The following MTUS1 variants were observed in gnomAD, a reference collection of about 807,000 sequenced individuals.
MTUS1 encodes microtubule-associated tumor suppressor 1.
Under a neutral mutation model 120.8 loss-of-function variants are expected in MTUS1, and 109 were observed. That is an observed-to-expected ratio of 0.90 (90% CI 0.77 to 1.06). The LOEUF is 1.06. MTUS1 is among the 50% of genes least tolerant of loss of function. The probability of loss-of-function intolerance (pLI) is 0.00; values close to 1 mark genes in which losing one functional copy is unlikely to be tolerated. For missense variants in MTUS1, 2,210 were observed against 1,486.3 expected, an observed-to-expected ratio of 1.49 and a Z score of -8.01; for synonymous variants, 737 against 550.5, an observed-to-expected ratio of 1.34 and a Z score of -4.74.
intron 2 of MTUS1, among the ~76,000 whole-genome samples, chr8:17,753,036 T>C (rs543685149): frequency 2.6e-5 from 4 of 152,344 alleles, no homozygotes; most frequent in Middle Eastern, 3.4e-3. Context: ...CCAAATATTT[T>C]AGACAGGCGC....
intron 6 of MTUS1, chr8:17,697,802 A>T (rs2130885147): frequency 3.5e-6 from 3 of 851,706 alleles, no homozygotes; most frequent in African/African-American, 3.6e-5. Flanking sequence ...TCGCTAGGGG[A>T]AATTAACTAC....
At chr8:17,652,344 G>A (rs746945756) in intron 12 of MTUS1, among the ~76,000 whole-genome samples, 6 of 152,154 alleles carry the variant, frequency 3.9e-5, no homozygotes, top group Admixed American at 6.5e-5. Flanking sequence ...GCTACACCAC[G>A]GATGAACCTT....
intron 3 of MTUS1, chr8:17,734,114 C>T (rs2046775618): frequency 6.6e-6 from 1 of 152,176 alleles, no homozygotes; most frequent in South Asian, 2.1e-4. Context: ...AAGAACTTGT[C>T]ACCTCTTCTA....
chr8:17,723,806 T>C lies in MTUS1; in HGVS notation c.2315A>G (p.Gln772Arg), dbSNP rs760398187. The change falls in exon 4 of 15, where the codon CAG (glutamine) becomes CGG (arginine). Residue 772 changes from glutamine (Q) to arginine (R), a missense_variant. By Grantham distance (43) the Gln-to-Arg change is conservative. Coordinates refer to ENST00000693296, the MANE Select transcript of MTUS1 (RefSeq NM_001363059.2). ...TCTAGGCAAATTCACCCATGACGAC[T>C]GTGCAGTTTTCAAGGATGTAGGCTT... is the stretch of plus-strand genomic sequence containing the variant. ...SGKPTSLKTA[Q>R]SSWVNLPRPL... is the part of the protein sequence containing the mutation. The C allele has an allele frequency of 4.4e-6, 7 of 1,597,644 alleles. No homozygotes were observed. The highest frequency in any genetic ancestry group is 6.0e-6 in the Non-Finnish European group (7 of 1,171,604).
At chr8:17,795,769 A>G (rs1326044113) in intron 1 of MTUS1, among the ~76,000 whole-genome samples, 2 of 151,214 alleles carry the variant, frequency 1.3e-5, no homozygotes, top group Non-Finnish European at 2.9e-5. Flanking sequence ...CCTCCCACGT[A>G]GCGGGGATAT....
chr8:17,715,718 G>A, intron 5 of MTUS1, 49 bp downstream of exon 5: 2 of 1,546,658 alleles, frequency 1.3e-6, no homozygotes, highest in Non-Finnish European at 1.7e-6. Flanking sequence ...ACAAGCCAAG[G>A]ACTTTAAGCG....
At chr8:17,784,315 G>C (rs1447481345) in intron 1 of MTUS1, among the ~76,000 whole-genome samples, 1 of 101,932 alleles carries the variant, frequency 9.8e-6, no homozygotes, top group Non-Finnish European at 1.9e-5. Context: ...TTTTTTTTGA[G>C]ATGGAATTTC....
chr8:17,798,329 A>G (rs1283833687), intron 1 of MTUS1, among the ~76,000 whole-genome samples: 1 of 151,744 alleles, frequency 6.6e-6, no homozygotes, highest in African/African-American at 2.4e-5. Flanking sequence ...CTAATTTAGA[A>G]TTTGGGGAAT....
chr8:17,713,820 C>A (rs1821802859), intron 5 of MTUS1, among the ~76,000 whole-genome samples: 1 of 152,170 alleles, frequency 6.6e-6, no homozygotes, highest in Admixed American at 6.5e-5. Context: ...TAATCATCTG[C>A]AGATACCAGT....
intron 2 of MTUS1, among the ~76,000 whole-genome samples, chr8:17,746,852 C>A (rs1209762309): frequency 6.6e-6 from 1 of 152,216 alleles, no homozygotes; most frequent in Non-Finnish European, 1.5e-5. Context: ...AGAACAAGAA[C>A]ATGAAGCATT....
chr8:17,652,723 C>G (rs865903135), intron 12 of MTUS1, among the ~76,000 whole-genome samples: 1 of 151,766 alleles, frequency 6.6e-6, no homozygotes, highest in Non-Finnish European at 1.5e-5. Flanking sequence ...GTAATCCCAG[C>G]TACTCGGGAG....
At chr8:17,722,421 C>A (rs981552442) in intron 4 of MTUS1, 24 of 985,096 alleles carry the variant, frequency 2.4e-5, no homozygotes, top group Non-Finnish European at 2.8e-5. Context: ...TGTGAATTAC[C>A]TTTTCAAATT....
At chr8:17,799,862 T>A (rs774546930) in intron 1 of MTUS1, among the ~76,000 whole-genome samples, 1 of 152,174 alleles carries the variant, frequency 6.6e-6, no homozygotes, top group South Asian at 2.1e-4. Context: ...TAAGGTTTTT[T>A]AGCTTTGGTT....
intron 6 of MTUS1, chr8:17,697,774 C>T: frequency 9.2e-6 from 9 of 978,256 alleles, no homozygotes; most frequent in Non-Finnish European, 1.1e-5. Context: ...GTCACAGATC[C>T]TGTAACCACT....
chr8:17,751,546 T>C lies in MTUS1; in HGVS notation c.2091+2171A>G, dbSNP rs563033429. Among the ~76,000 whole-genome samples, 39 of 145,232 alleles carry C rather than the reference T, an allele frequency of 2.7e-4. 1 individual carries two copies. Among genetic ancestry groups the C allele is most frequent in the Middle Eastern group, 7.0e-3 (2 of 284 alleles). ...GTAAACTAGCAAAATTAGAGAGCAC[T>C]GTGCTTCAGACATGATCGTGAAAAA... On this transcript the variant is annotated intron_variant, in intron 2 of 14. Transcript: ENST00000693296.
chr8:17,742,046 G>C (rs992534576), intron 3 of MTUS1, among the ~76,000 whole-genome samples: 1 of 152,088 alleles, frequency 6.6e-6, no homozygotes, highest in Non-Finnish European at 1.5e-5. Context: ...CCCATTCTCT[G>C]CAAGCACCAT....
chr8:17,660,686 C>T (rs141552017), intron 8 of MTUS1, among the ~76,000 whole-genome samples: 119 of 152,322 alleles, frequency 7.8e-4, no homozygotes, highest in African/African-American at 2.7e-3. Flanking sequence ...TCTCCACATG[C>T]TCACCAGAAC....
chr8:17,714,111 CCA>C (rs1325058499), intron 5 of MTUS1, among the ~76,000 whole-genome samples: 4 of 152,136 alleles, frequency 2.6e-5, no homozygotes, highest in African/African-American at 7.2e-5. Flanking sequence ...CAATAAAAAA[CCA>C]CAGTTTTCCA....
At chr8:17,790,936 G>T (rs1455707596) in intron 1 of MTUS1, among the ~76,000 whole-genome samples, 2 of 152,072 alleles carry the variant, frequency 1.3e-5, no homozygotes, top group African/African-American at 2.4e-5. Context: ...GCAGTCAGCC[G>T]GATCGTACCA....
Sources: allele counts gnomAD v4.1 joint callset (sites outside exome capture counted in the v4.1 genomes callset), GRCh38; gene constraint gnomAD v4.1.1; transcripts MANE v1.5; gene names NCBI Gene and HGNC (gene_info 2026-07-23, HGNC 2026-07-21).